Variants in SLC6A13 observed in about 807,000 individuals in gnomAD.
SLC6A13 encodes sodium- and chloride-dependent GABA transporter 2.
Under a neutral mutation model 72.9 loss-of-function variants are expected in SLC6A13, and 69 were observed. The ratio of observed to expected loss-of-function variants is 0.95; its 90% CI spans 0.78 to 1.16. SLC6A13 has a LOEUF of 1.16. Ranked by LOEUF, SLC6A13 falls within the 50% of genes most tolerant of loss-of-function variation. SLC6A13 has a pLI of 0.00. For synonymous variants in SLC6A13, 303 were observed against 303.0 expected (o/e 1.00, Z 0.00); for missense variants, 735 against 760.5 (o/e 0.97, Z 0.39).
chr12:237,252 A>T lies in SLC6A13; in HGVS notation c.602T>A (p.Leu201Gln). The change falls in exon 6 of 15, where the codon CTG (leucine) becomes CAG (glutamine). Residue 201 changes from leucine to glutamine, a missense_variant. Coordinates refer to ENST00000343164, the MANE Select transcript of SLC6A13 (RefSeq NM_016615.5). The part of the protein sequence containing the change: ...VLKISDGIQH[L>Q]GALRWELALC... ...AGCCAGCTCCCAGCGCAGGGCCCCC[A>T]GGTGCTGGATCCCATCAGAGATCTT... 2 of 1,614,154 alleles carry T rather than the reference A, an allele frequency of 1.2e-6. No homozygotes were observed. Among genetic ancestry groups the T allele is most frequent in the Non-Finnish European group, 1.7e-6 (2 of 1,179,974 alleles).
rs370736782 is a variant in SLC6A13, at chr12:243,263, C to A, written c.337+416G>T. Among the ~76,000 whole-genome samples the A allele has an allele frequency of 2.1e-4, 32 of 152,330 alleles. No homozygotes were observed. In the East Asian group the frequency reaches 3.9e-3, roughly 18 times the overall value. On this transcript the variant is annotated intron_variant, in intron 3 of 14. Transcript: ENST00000343164. ...CTCCTGACCTCAGGTGATCCACCTG[C>A]CTCGGCCTCCCAAAGTGCTGGGATT...
intron 6 of SLC6A13, among the ~76,000 whole-genome samples, chr12:235,666 C>T (rs577655373): frequency 5.3e-5 from 8 of 152,142 alleles, no homozygotes; most frequent in Admixed American, 1.3e-4. Context: ...AGAATACTAG[C>T]GATTTTTAGG....
In SLC6A13 at chr12:222,513, A is replaced by G; in HGVS notation, c.1515+19T>C. On this transcript the variant is annotated intron_variant, in intron 13 of 14. Transcript: ENST00000343164. ...TCTCTCCCTCCCTTCATCTGACTTT[A>G]TCCCTGAAATGATCTTACTGTGCAC... The G allele has an allele frequency of 6.5e-7, 1 of 1,531,958 alleles. No homozygotes were observed. Among genetic ancestry groups the G allele is most frequent in the Non-Finnish European group, 9.0e-7 (1 of 1,113,308 alleles). The allele number at this position is 1,531,958 out of a possible 1,614,324, so 94.9% of individuals were successfully genotyped here. A position where few individuals can be genotyped will look rare whatever the true frequency, so the allele number is the denominator to read the frequency against.
Position 254,469 on chromosome 12 carries a change from A to C in SLC6A13, c.202+5382T>G, listed in dbSNP as rs1185907177. On this transcript the variant is annotated intron_variant, in intron 2 of 14. Transcript: ENST00000343164. The surrounding 1 kb of genome is among the most constrained non-coding windows in gnomAD (Gnocchi z 4.4). ...CATCAATGACTTCCCAGCTGCTAAA[A>C]CCAACAATCAATTTCCTTTCCTCAT... is the stretch of plus-strand genomic sequence containing the variant. Among the ~76,000 whole-genome samples the C allele has an allele frequency of 6.6e-6, 1 of 152,136 alleles. No homozygotes were observed. The highest frequency in any genetic ancestry group is 2.4e-5 in the African/African-American group (1 of 41,422).
In SLC6A13 at chr12:259,891, G is replaced by A. The variant is rs768738028; in HGVS notation, c.162C>T (p.Asn54=). ...SVAGEIIGLG[N]VWRFPYLCYK... ...AGCAGAGATAGGGAAACCTCCAGACGTTGCCTAAGCCAATGATCTCCCCAG... is the reference window on the plus strand; with the variant it reads ...AGCAGAGATAGGGAAACCTCCAGACATTGCCTAAGCCAATGATCTCCCCAG... Residue 54 remains asparagine (N), a synonymous_variant, in exon 2 of 15, where the codon AAC becomes AAT. Coordinates refer to ENST00000343164, the MANE Select transcript of SLC6A13 (RefSeq NM_016615.5). The A allele has an allele frequency of 1.5e-5, 25 of 1,614,026 alleles. 1 individual carries two copies. The highest frequency in any genetic ancestry group is 6.7e-5 in the East Asian group (3 of 44,898).
chr12:235,206 T>C lies in SLC6A13; in HGVS notation c.715A>G (p.Thr239Ala), dbSNP rs1941881443. The stretch of plus-strand genomic sequence containing the variant: ...ACCACCAGCATGAGGTAAGGAAATG[T>C]GGCCGTGAAGTACACCACCTGGTCA... ...STGKVVYFTA[T>A]FPYLMLVVLL... Residue 239 changes from threonine (T) to alanine (A), a missense_variant, in exon 7 of 15, where the codon ACA becomes GCA. By Grantham distance (58) the Thr-to-Ala change is moderately conservative. Transcript: ENST00000343164. The C allele has an allele frequency of 1.2e-6, 2 of 1,614,072 alleles. No individual in the cohort carries two copies. Among genetic ancestry groups the C allele is most frequent in the African/African-American group, 1.3e-5 (1 of 74,930 alleles).
At chr12:243,288 T>C (rs1942234092) in intron 3 of SLC6A13, among the ~76,000 whole-genome samples, 1 of 152,254 alleles carries the variant, frequency 6.6e-6, no homozygotes, top group African/African-American at 2.4e-5. Flanking sequence ...GTGCTGGGAT[T>C]ACAGGCATGG....
At position 243,734 on chromosome 12, in the gene SLC6A13, C is replaced by T. The variant is rs139974936; in HGVS notation, c.282G>A (p.Gln94=). 1,409 of 1,614,184 alleles carry T rather than the reference C, an allele frequency of 8.7e-4. 3 individuals are homozygous for T. Among genetic ancestry groups the T allele is most frequent in the South Asian group, 3.0e-3 (276 of 91,084 alleles). ...CTGTGACGCCTCCCTGGCTAGTGTA[C>T]TGGCCTAGTGCTGTCTCCAGAAGGA... ...PVFLLETALG[Q]YTSQGGVTAW... is the part of the protein sequence containing the mutation. The change falls in exon 3 of 15, where the codon CAG becomes CAA. Residue 94 remains glutamine (Q), a synonymous_variant. Transcript: ENST00000343164.
chr12:252,725 G>A (rs1456932577), intron 2 of SLC6A13, among the ~76,000 whole-genome samples: 1 of 152,242 alleles, frequency 6.6e-6, no homozygotes, highest in East Asian at 1.9e-4. Flanking sequence ...ACTGTGGAGA[G>A]CCCAGTCCAG....
intron 4 of SLC6A13, chr12:238,231 G>C (rs1301813308): frequency 3.5e-5 from 53 of 1,514,272 alleles, no homozygotes; most frequent in Non-Finnish European, 4.7e-5. Flanking sequence ...TAGATGCTTG[G>C]GTATACATTC....
intron 7 of SLC6A13, among the ~76,000 whole-genome samples, chr12:230,039 G>A (rs1358712475): frequency 2.0e-5 from 3 of 152,078 alleles, no homozygotes; most frequent in South Asian, 2.1e-4. Context: ...AGCTTGGCAA[G>A]CCCCAGCTCC....
chr12:238,225 T>C, intron 4 of SLC6A13: 4 of 1,518,798 alleles, frequency 2.6e-6, no homozygotes, highest in Non-Finnish European at 2.6e-6. Context: ...GGTACATAGA[T>C]GCTTGGGTAT....
intron 11 of SLC6A13, 187 bp downstream of exon 11, chr12:223,805 T>C (rs1338353746): frequency 1.6e-6 from 1 of 622,804 alleles, no homozygotes; most frequent in Admixed American, 2.9e-5. Context: ...GGGTGGTCCA[T>C]GCCCAAAGGC....
intron 4 of SLC6A13, 120 bp downstream of exon 4, chr12:242,494 C>A: frequency 1.3e-6 from 1 of 767,730 alleles, no homozygotes; most frequent in East Asian, 2.8e-5. Flanking sequence ...ATAAGCTCTC[C>A]ATGGTCGACT....
At chr12:260,228 G>A (rs1942884136) in intron 1 of SLC6A13, among the ~76,000 whole-genome samples, 171 bp from the exon 2 acceptor site, 1 of 152,190 alleles carries the variant, frequency 6.6e-6, no homozygotes, top group South Asian at 2.1e-4. Context: ...TAGAAGCTGG[G>A]TGACAGCTAC....
intron 3 of SLC6A13, among the ~76,000 whole-genome samples, chr12:243,173 C>T (rs7311055): frequency 0.021 from 3,234 of 152,104 alleles, 117 homozygotes; most frequent in African/African-American, 0.073. Flanking sequence ...CCATGCCTGG[C>T]TAATTTTTTG....
At chr12:232,379 C>T (rs1196208107) in intron 7 of SLC6A13, among the ~76,000 whole-genome samples, 2 of 152,214 alleles carry the variant, frequency 1.3e-5, no homozygotes, top group African/African-American at 4.8e-5. Flanking sequence ...AAACTCTTCA[C>T]CCGGCTTCAA....
In SLC6A13 at chr12:224,505, G is replaced by A. The variant is rs868280405; in HGVS notation, c.1069C>T (p.Leu357=). The part of the protein sequence containing the change: ...ISEVAESGPG[L]AFIAYPRAVV... ...GCCCGCGGGTAAGCGATGAAAGCCA[G>A]GCCAGGGCCTACGACAAGGAGCAGA... The change falls in exon 10 of 15, where the codon CTG becomes TTG. Residue 357 remains leucine, a synonymous_variant. Transcript: ENST00000343164. 1 of 1,613,930 alleles carries A rather than the reference G, an allele frequency of 6.2e-7. No individual in the cohort carries two copies. Among genetic ancestry groups the A allele is most frequent in the Non-Finnish European group, 8.5e-7 (1 of 1,179,890 alleles).
intron 2 of SLC6A13, among the ~76,000 whole-genome samples, chr12:257,105 GT>G (rs924802496): frequency 2.0e-5 from 3 of 152,010 alleles, no homozygotes; most frequent in African/African-American, 4.8e-5. Context: ...ACAAGATGAA[GT>G]TTAAGGGCCC....
Sources: gnomAD v4.1 joint callset for allele counts (sites outside exome capture counted in the v4.1 genomes callset) on GRCh38, gnomAD v4.1.1 for gene constraint, Gnocchi (gnomAD v3.1) non-coding constraint, MANE v1.5 for transcripts, NCBI Gene and HGNC (gene_info 2026-07-23, HGNC 2026-07-21) for gene names.